The following NRXN1 variants were observed in gnomAD, a reference collection of about 807,000 sequenced individuals.
NRXN1 encodes neurexin 1.
A neutral mutation model predicts 150.9 loss-of-function variants in NRXN1; 39 were observed. The observed-to-expected ratio is 0.26, with a 90% CI of 0.20 to 0.34. NRXN1 has a LOEUF of 0.34. Ranked by LOEUF, NRXN1 falls within the 10% of genes least tolerant of loss-of-function variation. The probability of loss-of-function intolerance (pLI) is 1.00; values close to 1 mark genes in which losing one functional copy is unlikely to be tolerated. For synonymous variants in NRXN1, 924 were observed against 757.0 expected (o/e 1.22, Z -3.62); for missense variants, 1,815 against 1,949.9 (o/e 0.93, Z 1.30).
At chr2:49,943,626 T>C in intron 22 of NRXN1, 78 bp downstream of exon 22, 9 of 911,882 alleles carry the variant, frequency 9.9e-6, no homozygotes, top group Non-Finnish European at 1.6e-5. Context: ...TACATGAATA[T>C]AAGGCCCTTC....
At chr2:50,045,849 A>G (rs1443563644) in intron 21 of NRXN1, among the ~76,000 whole-genome samples, 1 of 152,198 alleles carries the variant, frequency 6.6e-6, no homozygotes, top group African/African-American at 2.4e-5. Flanking sequence ...ACTTCATTCA[A>G]TATCTCCAAT....
chr2:50,398,845 T>C (rs1158646390), intron 17 of NRXN1, among the ~76,000 whole-genome samples: 1 of 152,148 alleles, frequency 6.6e-6, no homozygotes, highest in African/African-American at 2.4e-5. Flanking sequence ...GCTATTTAAT[T>C]ATCAGCCAGT....
chr2:50,989,170 A>G (rs1416712064), intron 2 of NRXN1, among the ~76,000 whole-genome samples: 1 of 151,996 alleles, frequency 6.6e-6, no homozygotes, highest in Non-Finnish European at 1.5e-5. Flanking sequence ...GAATATTTTG[A>G]AATTTATGAA....
chr2:50,766,910 C>T (rs1441073281), intron 5 of NRXN1, among the ~76,000 whole-genome samples: 1 of 152,016 alleles, frequency 6.6e-6, no homozygotes, highest in Non-Finnish European at 1.5e-5. Flanking sequence ...AAGGAATAAA[C>T]TAATAACTTT....
chr2:50,365,118 T>TC (rs908441331), intron 17 of NRXN1, among the ~76,000 whole-genome samples: 3 of 152,240 alleles, frequency 2.0e-5, no homozygotes, highest in East Asian at 1.9e-4. Flanking sequence ...GCTTTTTTTT[T>TC]CTTTTTTTCA....
intron 21 of NRXN1, among the ~76,000 whole-genome samples, chr2:49,984,135 C>T (rs1400596929): frequency 6.6e-6 from 1 of 151,972 alleles, no homozygotes; most frequent in Non-Finnish European, 1.5e-5. Flanking sequence ...GCACTGCACT[C>T]CAGTGCGGTC....
At chr2:50,319,192 G>A (rs551030256) in intron 17 of NRXN1, among the ~76,000 whole-genome samples, 1 of 152,226 alleles carries the variant, frequency 6.6e-6, no homozygotes, top group South Asian at 2.1e-4. Flanking sequence ...CTGACTGAAA[G>A]TTGAAAATGT....
chr2:50,776,744 T>A (rs981353520), intron 5 of NRXN1, among the ~76,000 whole-genome samples: 2 of 151,756 alleles, frequency 1.3e-5, no homozygotes, highest in Middle Eastern at 3.4e-3. Flanking sequence ...AGGAGTTAAG[T>A]CTCATTTTTA....
chr2:50,806,889 C>A (rs967215707), intron 5 of NRXN1, among the ~76,000 whole-genome samples: 1 of 152,102 alleles, frequency 6.6e-6, no homozygotes, highest in Non-Finnish European at 1.5e-5. Context: ...TGGTTGTTAG[C>A]CCCTTGAAGG....
chr2:50,535,254 C>A lies in NRXN1; in HGVS notation c.2143+2999G>T, dbSNP rs192604553. The stretch of plus-strand genomic sequence containing the variant: ...TCATCATTTAGAATATACAATAATT[C>A]TTTAAAAGGCTAATTCCAATACAAT... On this transcript the variant is annotated intron_variant, in intron 10 of 22. Coordinates refer to ENST00000401669, the MANE Select transcript of NRXN1 (RefSeq NM_001330078.2). Among the ~76,000 whole-genome samples, 20 of 152,318 alleles carry A rather than the reference C, an allele frequency of 1.3e-4. No homozygotes were observed. In the East Asian group the frequency reaches 3.9e-3, roughly 29 times the overall value.
intron 17 of NRXN1, among the ~76,000 whole-genome samples, chr2:50,295,749 T>C (rs1435406150): frequency 6.6e-6 from 1 of 152,166 alleles, no homozygotes; most frequent in Non-Finnish European, 1.5e-5. Flanking sequence ...GATGAAGAAT[T>C]GCTCTTTAAA....
chr2:50,466,556 AAC>A (rs1453707316), intron 16 of NRXN1: 28 of 453,280 alleles, frequency 6.2e-5, no homozygotes, highest in Middle Eastern at 6.2e-4. Flanking sequence ...AAATGGGGCA[AAC>A]ACAGAAGAAT....
At chr2:50,482,381 T>G (rs2090540503) in intron 15 of NRXN1, among the ~76,000 whole-genome samples, 1 of 152,212 alleles carries the variant, frequency 6.6e-6, no homozygotes, top group South Asian at 2.1e-4. Flanking sequence ...AAATTTACCT[T>G]TAGGTAAAAA....
At chr2:50,952,168 G>T in intron 2 of NRXN1, among the ~76,000 whole-genome samples, 1 of 150,736 alleles carries the variant, frequency 6.6e-6, no homozygotes, top group East Asian at 2.0e-4. Flanking sequence ...GGGTTTCACC[G>T]TTTTAGCCGG....
chr2:50,764,743 G>C (rs1362384816), intron 5 of NRXN1, among the ~76,000 whole-genome samples: 1 of 151,962 alleles, frequency 6.6e-6, no homozygotes, highest in African/African-American at 2.4e-5. Flanking sequence ...CCTAAGGAGG[G>C]AGTGAATGAG....
At chr2:49,963,669 G>A (rs146000622) in intron 21 of NRXN1, among the ~76,000 whole-genome samples, 137 of 152,256 alleles carry the variant, frequency 9.0e-4, no homozygotes, top group East Asian at 2.5e-3. Flanking sequence ...GAAATGTGCC[G>A]TTAGAAGATC....
chr2:50,555,478 G>T (rs1668095162), intron 8 of NRXN1, among the ~76,000 whole-genome samples: 1 of 152,034 alleles, frequency 6.6e-6, no homozygotes, highest in Non-Finnish European at 1.5e-5. Context: ...AATTCCCTGG[G>T]CAAAATTTCT....
At chr2:50,998,798 G>A (rs1231464137) in intron 2 of NRXN1, among the ~76,000 whole-genome samples, 1 of 152,000 alleles carries the variant, frequency 6.6e-6, no homozygotes, top group Non-Finnish European at 1.5e-5. Context: ...CCACAATAAT[G>A]TGAATCCTTT....
chr2:50,793,259 T>A (rs1328664415), intron 5 of NRXN1, among the ~76,000 whole-genome samples: 1 of 152,110 alleles, frequency 6.6e-6, no homozygotes, highest in African/African-American at 2.4e-5. Context: ...TAAGTAAAAC[T>A]GCATTAATTG....
Sources: allele counts gnomAD v4.1 joint callset (sites outside exome capture counted in the v4.1 genomes callset), GRCh38; gene constraint gnomAD v4.1.1; transcripts MANE v1.5; gene names NCBI Gene and HGNC (gene_info 2026-07-23, HGNC 2026-07-21).